SH3GL2: variants seen among roughly 807,000 people sequenced by gnomAD.
SH3GL2 encodes the protein SH3 domain containing GRB2 like 2, endophilin A1.
In SH3GL2, 24 loss-of-function variants were observed where a neutral mutation model predicts 46.0. The ratio of observed to expected loss-of-function variants is 0.52; its 90% CI spans 0.38 to 0.73. The LOEUF (loss-of-function observed/expected upper bound fraction) is 0.73. SH3GL2 is among the 30% of genes least tolerant of loss of function. The pLI is 0.00. For synonymous variants in SH3GL2, 196 were observed against 147.1 expected, an observed-to-expected ratio of 1.33 and a Z score of -2.40; for missense variants, 413 against 424.2, an observed-to-expected ratio of 0.97 and a Z score of 0.23.
intron 1 of SH3GL2, among the ~76,000 whole-genome samples, chr9:17,594,673 G>A (rs1432341395): frequency 6.6e-6 from 1 of 151,994 alleles, no homozygotes. Context: ...ATTGTGTGTT[G>A]TACCTCTGTG....
chr9:17,635,129 C>T (rs1819513214), intron 1 of SH3GL2, among the ~76,000 whole-genome samples: 1 of 152,140 alleles, frequency 6.6e-6, no homozygotes, highest in South Asian at 2.1e-4. Context: ...TGGATCTTCT[C>T]CCTGCCCACA....
intron 1 of SH3GL2, among the ~76,000 whole-genome samples, chr9:17,700,062 T>TTGCAGTG (rs201724373): frequency 2.0e-5 from 3 of 152,088 alleles, no homozygotes; most frequent in African/African-American, 4.8e-5. Context: ...AAGAAGAAAA[T>TTGCAGTG]AGTTCTGGCT....
chr9:17,707,035 G>A (rs1487634841), intron 1 of SH3GL2, among the ~76,000 whole-genome samples: 1 of 151,986 alleles, frequency 6.6e-6, no homozygotes, highest in African/African-American at 2.4e-5. Flanking sequence ...CTAACCAGTG[G>A]TCAGCCAATC....
chr9:17,663,865 A>G (rs1820281407), intron 1 of SH3GL2, among the ~76,000 whole-genome samples: 1 of 152,212 alleles, frequency 6.6e-6, no homozygotes. Flanking sequence ...TTGGAATAAC[A>G]TGAATTAAAG....
intron 1 of SH3GL2, among the ~76,000 whole-genome samples, chr9:17,600,261 A>G (rs1023139656): frequency 1.6e-4 from 25 of 152,366 alleles, no homozygotes; most frequent in African/African-American, 3.1e-4. Flanking sequence ...TTAAGCATCA[A>G]TGTTCTTAAA....
intron 3 of SH3GL2, among the ~76,000 whole-genome samples, chr9:17,762,890 G>A (rs1823218699): frequency 6.6e-6 from 1 of 152,150 alleles, no homozygotes; most frequent in Non-Finnish European, 1.5e-5. Context: ...TGCTCGCCCT[G>A]CTTCCCCGCA....
intron 1 of SH3GL2, among the ~76,000 whole-genome samples, chr9:17,697,227 CTT>C (rs201644889): frequency 9.0e-5 from 13 of 144,434 alleles, no homozygotes; most frequent in South Asian, 4.4e-4. Flanking sequence ...AAATGCATTT[CTT>C]TTTTTTTTTT....
At chr9:17,788,266 C>T (rs1456908976) in intron 5 of SH3GL2, among the ~76,000 whole-genome samples, 2 of 152,074 alleles carry the variant, frequency 1.3e-5, no homozygotes, top group African/African-American at 4.8e-5. Flanking sequence ...GACAGACTGA[C>T]CCTAAATCCA....
intron 1 of SH3GL2, among the ~76,000 whole-genome samples, chr9:17,709,275 C>G (rs1358955476): frequency 6.6e-6 from 1 of 151,898 alleles, no homozygotes; most frequent in Non-Finnish European, 1.5e-5. Context: ...AATATCCTGT[C>G]GTGGATGGAA....
chr9:17,653,872 G>C, intron 1 of SH3GL2: 1 of 981,198 alleles, frequency 1.0e-6, no homozygotes, highest in Non-Finnish European at 1.2e-6. Flanking sequence ...ACAAGGGGCT[G>C]ATGCAGAAGG....
intron 1 of SH3GL2, among the ~76,000 whole-genome samples, chr9:17,658,139 G>T (rs1354388961): frequency 6.6e-6 from 1 of 152,152 alleles, no homozygotes; most frequent in Non-Finnish European, 1.5e-5. Context: ...CTCTTCTTTA[G>T]TTGCAGAAAG....
intron 1 of SH3GL2, among the ~76,000 whole-genome samples, chr9:17,633,107 A>G (rs1819470436): frequency 6.6e-6 from 1 of 152,178 alleles, no homozygotes; most frequent in Non-Finnish European, 1.5e-5. Flanking sequence ...TTTGCCAGCT[A>G]AGGCTTTTCA....
intron 1 of SH3GL2, among the ~76,000 whole-genome samples, chr9:17,638,708 C>A (rs546164402): frequency 6.6e-6 from 1 of 152,226 alleles, no homozygotes; most frequent in Admixed American, 6.5e-5. Flanking sequence ...TGTGGTTACC[C>A]TGCCCTTGGA....
intron 1 of SH3GL2, among the ~76,000 whole-genome samples, chr9:17,680,105 C>G (rs1425352065): frequency 1.3e-4 from 20 of 149,872 alleles, no homozygotes; most frequent in South Asian, 2.1e-4. Context: ...TTTGTTGTGT[C>G]TCTGCCCGGC....
At chr9:17,721,452 C>CT (rs1375713632) in intron 1 of SH3GL2, among the ~76,000 whole-genome samples, 1 of 151,952 alleles carries the variant, frequency 6.6e-6, no homozygotes, top group Non-Finnish European at 1.5e-5. Context: ...AGCCTGATTT[C>CT]TTTTAACTTT....
At chr9:17,731,356 T>C (rs1822173927) in intron 1 of SH3GL2, among the ~76,000 whole-genome samples, 1 of 149,792 alleles carries the variant, frequency 6.7e-6, no homozygotes. Context: ...AGAACCCTGC[T>C]GATGGAATTT....
chr9:17,585,157 A>T (rs1414053651), intron 1 of SH3GL2, among the ~76,000 whole-genome samples: 1 of 152,158 alleles, frequency 6.6e-6, no homozygotes, highest in Non-Finnish European at 1.5e-5. Context: ...TCAGGGCATC[A>T]AGCAACCCGA....
intron 3 of SH3GL2, among the ~76,000 whole-genome samples, chr9:17,778,570 T>G (rs1051209744): frequency 6.6e-6 from 1 of 152,122 alleles, no homozygotes; most frequent in Non-Finnish European, 1.5e-5. Context: ...GGGAACACAT[T>G]AAAGTGCTTT....
At chr9:17,677,597 A>G (rs193079086) in intron 1 of SH3GL2, among the ~76,000 whole-genome samples, 181 of 150,698 alleles carry the variant, frequency 1.2e-3, no homozygotes, top group African/African-American at 3.9e-3. Context: ...TTCTTGATCT[A>G]CTGTTACCTA....
Sources: allele counts gnomAD v4.1 joint callset (sites outside exome capture counted in the v4.1 genomes callset), GRCh38; gene constraint gnomAD v4.1.1; transcripts MANE v1.5; gene names NCBI Gene and HGNC (gene_info 2026-07-23, HGNC 2026-07-21).